The following LPCAT2 variants were observed in gnomAD, a reference collection of about 807,000 sequenced individuals.
LPCAT2 encodes lysophosphatidylcholine acyltransferase 2, also known as 1-AGP acyltransferase 11.
A neutral mutation model predicts 64.7 loss-of-function variants in LPCAT2; 58 were observed. The ratio of observed to expected loss-of-function variants is 0.90; its 90% confidence interval spans 0.73 to 1.12. LPCAT2 has a LOEUF of 1.12. LPCAT2 is among the 50% of genes most tolerant of loss of function. LPCAT2 has a pLI of 0.00. For synonymous variants in LPCAT2, 252 were observed against 245.3 expected, an observed-to-expected ratio of 1.03 and a Z score of -0.26; for missense variants, 579 against 669.8, an observed-to-expected ratio of 0.86 and a Z score of 1.50.
chr16:55,566,172 T>C (rs578113077), intron 11 of LPCAT2, among the ~76,000 whole-genome samples: 78 of 152,324 alleles, frequency 5.1e-4, no homozygotes, highest in Non-Finnish European at 8.5e-4. Context: ...AGCAGCCCTA[T>C]GGAATCAGAA....
At chr16:55,524,157 C>T (rs532411820) in intron 1 of LPCAT2, among the ~76,000 whole-genome samples, 3 of 151,762 alleles carry the variant, frequency 2.0e-5, no homozygotes, top group African/African-American at 7.2e-5. Context: ...TTCATAATAG[C>T]CCACAATTGG....
At chr16:55,580,648 A>G (rs1462119910) in intron 13 of LPCAT2, among the ~76,000 whole-genome samples, 7 of 152,196 alleles carry the variant, frequency 4.6e-5, no homozygotes, top group African/African-American at 7.2e-5. Flanking sequence ...GAATGTGACC[A>G]TTTAGATTGT....
intron 8 of LPCAT2, chr16:55,541,662 C>T (rs1333722971): frequency 2.2e-5 from 6 of 273,168 alleles, no homozygotes; most frequent in Non-Finnish European, 4.4e-5. Context: ...AATCCTGTTA[C>T]TACCTACCTG....
At chr16:55,524,575 A>G (rs1240999373) in intron 1 of LPCAT2, among the ~76,000 whole-genome samples, 3 of 151,966 alleles carry the variant, frequency 2.0e-5, no homozygotes, top group Admixed American at 6.6e-5. Context: ...AGATCAGATA[A>G]TTAGAATATA....
At chr16:55,566,734 C>T in intron 11 of LPCAT2, 1 of 1,586,296 alleles carries the variant, frequency 6.3e-7, no homozygotes, top group Non-Finnish European at 8.6e-7. Flanking sequence ...ATTGCTGCCG[C>T]ATTTGCTTGT....
chr16:55,552,944 T>C (rs1963533856), intron 11 of LPCAT2, among the ~76,000 whole-genome samples: 1 of 152,178 alleles, frequency 6.6e-6, no homozygotes, highest in Non-Finnish European at 1.5e-5. Flanking sequence ...TCATGAAAGA[T>C]TTCTTTGTAG....
intron 11 of LPCAT2, chr16:55,567,433 T>G (rs1194563095): frequency 6.2e-7 from 1 of 1,613,856 alleles, no homozygotes; most frequent in Admixed American, 1.7e-5. Context: ...TTCAAGTCTC[T>G]GGATAGAGAT....
chr16:55,567,649 C>T (rs1162093791), intron 11 of LPCAT2: 1 of 760,930 alleles, frequency 1.3e-6, no homozygotes, highest in African/African-American at 1.8e-5. Context: ...TCATGTGCTG[C>T]CTTTTACTGC....
At chr16:55,565,922 G>C (rs1012235071) in intron 11 of LPCAT2, among the ~76,000 whole-genome samples, 4 of 152,138 alleles carry the variant, frequency 2.6e-5, no homozygotes, top group Non-Finnish European at 5.9e-5. Context: ...ATAAATGAAA[G>C]AGTCTGTACT....
Position 55,585,630 on chromosome 16 carries a change from CTG to C in LPCAT2, c.*2534_*2535del, listed in dbSNP as rs1963936114. On this transcript the variant is annotated 3_prime_UTR_variant, in exon 14 of 14. Transcript: ENST00000262134. Reference sequence around the variant, plus strand: ...CCACAAACATTCAATTGAAAGAGTTCTGTTGAAGGATAATGACATACTGACTG... The same window carrying C: ...CCACAAACATTCAATTGAAAGAGTTCTTGAAGGATAATGACATACTGACTG... 6.6e-6 allele frequency: 1 copy of C among 152,162 alleles called. No homozygotes were observed. Among genetic ancestry groups the C allele is most frequent in the Non-Finnish European group, 1.5e-5 (1 of 68,030 alleles). 9.4% of individuals were successfully genotyped at this position (152,162 alleles called of 1,614,324 possible).
At chr16:55,556,523 A>G (rs1596876745) in intron 11 of LPCAT2, among the ~76,000 whole-genome samples, 1 of 152,268 alleles carries the variant, frequency 6.6e-6, no homozygotes, top group East Asian at 1.9e-4. Flanking sequence ...CACGCCTGTA[A>G]TCCCAGCACT....
chr16:55,552,150 A>G (rs756418122), intron 11 of LPCAT2, among the ~76,000 whole-genome samples: 11 of 152,134 alleles, frequency 7.2e-5, no homozygotes, highest in Non-Finnish European at 1.0e-4. Context: ...TTCTCCATCA[A>G]TATAGTTTAT....
chr16:55,571,363 C>T (rs1963768129), intron 11 of LPCAT2, among the ~76,000 whole-genome samples: 1 of 152,100 alleles, frequency 6.6e-6, no homozygotes, highest in South Asian at 2.1e-4. Flanking sequence ...TGCTGGGGGG[C>T]CATGAGCTCA....
At chr16:55,576,970 C>T (rs1963834839) in intron 12 of LPCAT2, among the ~76,000 whole-genome samples, 1 of 152,300 alleles carries the variant, frequency 6.6e-6, no homozygotes, top group African/African-American at 2.4e-5. Flanking sequence ...AGAATTTAGA[C>T]TGTTTAGATG....
chr16:55,516,546 T>A (rs920695648), intron 1 of LPCAT2, among the ~76,000 whole-genome samples: 7 of 152,216 alleles, frequency 4.6e-5, no homozygotes, highest in African/African-American at 1.4e-4. Flanking sequence ...ACAGAAATTG[T>A]TGCTAAAGAA....
At chr16:55,561,894 CA>C (rs1438516861) in intron 11 of LPCAT2, among the ~76,000 whole-genome samples, 3 of 152,000 alleles carry the variant, frequency 2.0e-5, no homozygotes, top group African/African-American at 7.2e-5. Context: ...AAGTTTTACA[CA>C]AACCACTCAG....
intron 1 of LPCAT2, among the ~76,000 whole-genome samples, chr16:55,523,890 G>A (rs541250969): frequency 6.6e-6 from 1 of 151,736 alleles, no homozygotes; most frequent in South Asian, 2.1e-4. Flanking sequence ...CTTAAAATAG[G>A]TGTTTTTTCT....
At chr16:55,568,895 C>T (rs1180021819) in intron 11 of LPCAT2, among the ~76,000 whole-genome samples, 4 of 152,126 alleles carry the variant, frequency 2.6e-5, no homozygotes, top group African/African-American at 9.7e-5. Flanking sequence ...CAAACAGAAT[C>T]CAGGATTCCG....
intron 4 of LPCAT2, 134 bp downstream of exon 4, chr16:55,530,081 A>G: frequency 1.8e-6 from 1 of 566,226 alleles, no homozygotes; most frequent in Non-Finnish European, 3.0e-6. Flanking sequence ...TAATAGATGC[A>G]GAGTAAATAC....
Sources: allele counts gnomAD v4.1 joint callset (sites outside exome capture counted in the v4.1 genomes callset), GRCh38; gene constraint gnomAD v4.1.1; transcripts MANE v1.5; gene names NCBI Gene and HGNC (gene_info 2026-07-23, HGNC 2026-07-21).